Variants in SLC44A5 observed in about 807,000 individuals in gnomAD.
SLC44A5 encodes choline transporter-like protein 5.
In SLC44A5, 57 loss-of-function variants were observed where a neutral mutation model predicts 101.8. That is an observed-to-expected ratio of 0.56 (90% CI 0.45 to 0.70). SLC44A5 has a LOEUF of 0.70. SLC44A5 is among the 30% of genes least tolerant of loss of function. SLC44A5 has a pLI of 0.00. For missense variants in SLC44A5, 737 were observed against 853.1 expected (o/e 0.86, Z 1.70); for synonymous variants, 281 against 290.9 (o/e 0.97, Z 0.35).
chr1:75,626,394 T>C, the SLC44A5 span, among the ~76,000 whole-genome samples: 1 of 152,108 alleles, frequency 6.6e-6, no homozygotes, highest in Non-Finnish European at 1.5e-5. Context: ...CCTGCTAATA[T>C]ACCTGCAATG....
intron 4 of SLC44A5, among the ~76,000 whole-genome samples, chr1:75,333,025 A>T (rs2101007355): frequency 6.6e-6 from 1 of 152,298 alleles, no homozygotes; most frequent in African/African-American, 2.4e-5. Flanking sequence ...GCTCATTATC[A>T]TAGAAAATTA....
chr1:75,464,400 A>G (rs957737171), intron 2 of SLC44A5, among the ~76,000 whole-genome samples: 2 of 150,440 alleles, frequency 1.3e-5, no homozygotes, highest in Non-Finnish European at 3.0e-5. Flanking sequence ...GTAACCTCAA[A>G]CCAGAAAACA....
chr1:75,527,646 A>G (rs528522033), intron 2 of SLC44A5, among the ~76,000 whole-genome samples: 56 of 152,272 alleles, frequency 3.7e-4, no homozygotes, highest in African/African-American at 1.2e-3. Flanking sequence ...TTTCCAATGA[A>G]CAATTTTACT....
intron 2 of SLC44A5, among the ~76,000 whole-genome samples, chr1:75,486,650 T>C (rs531309681): frequency 7.7e-4 from 118 of 152,270 alleles, no homozygotes; most frequent in African/African-American, 2.6e-3. Context: ...ATGGGAGAAA[T>C]TGGCCAAAAC....
chr1:75,547,715 G>T (rs1237021459), intron 1 of SLC44A5, among the ~76,000 whole-genome samples: 1 of 152,190 alleles, frequency 6.6e-6, no homozygotes, highest in Admixed American at 6.5e-5. Context: ...ACCCAGGTAA[G>T]CTTCACCATA....
chr1:75,489,432 C>T (rs559760534), intron 2 of SLC44A5, among the ~76,000 whole-genome samples: 3 of 152,256 alleles, frequency 2.0e-5, no homozygotes, highest in African/African-American at 7.2e-5. Flanking sequence ...TTACGCTCAC[C>T]CTGTAACCAT....
chr1:75,471,657 C>A (rs551125785), intron 2 of SLC44A5, among the ~76,000 whole-genome samples: 2 of 151,922 alleles, frequency 1.3e-5, no homozygotes, highest in Non-Finnish European at 2.9e-5. Context: ...AAAGTATTTC[C>A]TCTCTCTGGC....
intron 1 of SLC44A5, among the ~76,000 whole-genome samples, chr1:75,568,053 C>T (rs747030637): frequency 2.0e-5 from 3 of 152,032 alleles, no homozygotes; most frequent in Non-Finnish European, 4.4e-5. Context: ...TGTATTGGTG[C>T]CTAAGAAATT....
intron 3 of SLC44A5, among the ~76,000 whole-genome samples, chr1:75,372,476 A>G (rs530513068): frequency 6.6e-6 from 1 of 152,178 alleles, no homozygotes; most frequent in Non-Finnish European, 1.5e-5. Flanking sequence ...AAGCAAAACA[A>G]GATTAGGAGG....
chr1:75,652,225 A>AAGAATC, the SLC44A5 span, among the ~76,000 whole-genome samples: 38 of 152,170 alleles, frequency 2.5e-4, no homozygotes, highest in South Asian at 4.1e-4. Context: ...ATCAGGGAAT[A>AAGAATC]AGGAATGGAA....
chr1:75,667,600 GAAAACAAAAACA>G, the SLC44A5 span, among the ~76,000 whole-genome samples: 59 of 152,048 alleles, frequency 3.9e-4, 1 homozygote, highest in South Asian at 5.4e-3. Flanking sequence ...TATGGAACCA[GAAAACAAAAACA>G]AAAACAAAAA....
intron 4 of SLC44A5, among the ~76,000 whole-genome samples, chr1:75,336,080 T>C (rs1440323797): frequency 1.6e-5 from 2 of 122,440 alleles, no homozygotes; most frequent in African/African-American, 5.6e-5. Flanking sequence ...GTCTAGATTT[T>C]CATTTTTTTC....
chr1:75,322,397 T>TA (rs373862454), intron 4 of SLC44A5, among the ~76,000 whole-genome samples: 10,227 of 149,786 alleles, frequency 0.068, 1,136 homozygotes, highest in African/African-American at 0.23. Context: ...TCCCTCTTTT[T>TA]AAAAAAAAAA....
chr1:75,386,315 G>A (rs1198227963), intron 3 of SLC44A5, among the ~76,000 whole-genome samples: 1 of 152,146 alleles, frequency 6.6e-6, no homozygotes, highest in Non-Finnish European at 1.5e-5. Flanking sequence ...AAACCCCATT[G>A]TCTCAGCCGA....
At chr1:75,518,605 G>A (rs571976273) in intron 2 of SLC44A5, among the ~76,000 whole-genome samples, 162 of 152,232 alleles carry the variant, frequency 1.1e-3, no homozygotes, top group Middle Eastern at 3.4e-3. Flanking sequence ...AGCAACATAC[G>A]ATATAATTAA....
chr1:75,654,983 T>C, the SLC44A5 span, among the ~76,000 whole-genome samples: 1 of 152,216 alleles, frequency 6.6e-6, no homozygotes, highest in East Asian at 1.9e-4. Flanking sequence ...CAAATAATTA[T>C]AATGCCTCCA....
intron 1 of SLC44A5, among the ~76,000 whole-genome samples, chr1:75,605,862 T>C (rs1308927170): frequency 6.6e-6 from 1 of 152,024 alleles, no homozygotes; most frequent in Non-Finnish European, 1.5e-5. Flanking sequence ...CTAGCTTCTC[T>C]CTGGAAGAAA....
At chr1:75,265,921 A>C (rs933342922) in intron 6 of SLC44A5, among the ~76,000 whole-genome samples, 6 of 152,238 alleles carry the variant, frequency 3.9e-5, no homozygotes, top group East Asian at 3.9e-4. Context: ...TTTTTTGTGG[A>C]AATCTCAAAG....
the SLC44A5 span, among the ~76,000 whole-genome samples, chr1:75,680,032 T>G: frequency 6.6e-6 from 1 of 152,020 alleles, no homozygotes; most frequent in South Asian, 2.1e-4. Flanking sequence ...TACATAATGG[T>G]AAAGGGATCA....
Sources: allele counts gnomAD v4.1 joint callset (sites outside exome capture counted in the v4.1 genomes callset), GRCh38; gene constraint gnomAD v4.1.1; transcripts MANE v1.5; gene names NCBI Gene and HGNC (gene_info 2026-07-23, HGNC 2026-07-21).